The following DIP2A variants were observed in gnomAD, a reference collection of about 807,000 sequenced individuals.
The protein encoded by DIP2A is disco-interacting protein 2 homolog A.
In DIP2A, 85 loss-of-function variants were observed where a neutral mutation model predicts 177.4. The observed-to-expected ratio is 0.48, with a 90% CI of 0.40 to 0.57. DIP2A has a LOEUF of 0.57. DIP2A is among the 20% of genes least tolerant of loss of function. The probability of loss-of-function intolerance (pLI) is 0.00; values close to 1 mark genes in which losing one functional copy is unlikely to be tolerated. For missense variants in DIP2A, 1,791 were observed against 2,100.2 expected (o/e 0.85, Z 2.88); for synonymous variants, 886 against 881.8 (o/e 1.00, Z -0.08).
At chr21:46,459,769 C>T (rs2054136400) in intron 1 of DIP2A, among the ~76,000 whole-genome samples, 1 of 152,094 alleles carries the variant, frequency 6.6e-6, no homozygotes, top group Non-Finnish European at 1.5e-5. Context: ...TTACTCCTCA[C>T]CCCGGGACGC....
chr21:46,547,282 T>C, intron 21 of DIP2A: 2 of 1,227,592 alleles, frequency 1.6e-6, no homozygotes, highest in East Asian at 3.7e-5. Flanking sequence ...ATGTAAAATT[T>C]GGGGCAAAGG....
At chr21:46,545,519 G>C (rs1182679464) in intron 19 of DIP2A, among the ~76,000 whole-genome samples, 1 of 152,242 alleles carries the variant, frequency 6.6e-6, no homozygotes, top group Non-Finnish European at 1.5e-5. Flanking sequence ...CCACAGTCCT[G>C]CATGGGAGGA....
At position 46,569,039 on chromosome 21, in the gene DIP2A, C is replaced by T. The variant is rs1052052635; in HGVS notation, c.*1417C>T. The T allele has an allele frequency of 6.6e-6, 1 of 152,140 alleles. No individual in the cohort carries two copies. The allele number at this position is 152,140 out of a possible 1,614,324, so 9.4% of individuals were successfully genotyped here. A position where few individuals can be genotyped will look rare whatever the true frequency, so the allele number is the denominator to read the frequency against. ...AGAATGTAAAGTCCTTTAGTTACTT[C>T]TAAGAATTTGAAGTCAAGCACGAAT... On this transcript the variant is annotated 3_prime_UTR_variant, in exon 38 of 38. Coordinates refer to ENST00000417564, the MANE Select transcript of DIP2A (RefSeq NM_015151.4).
chr21:46,500,406 C>G (rs768870322), intron 5 of DIP2A, among the ~76,000 whole-genome samples: 23 of 152,218 alleles, frequency 1.5e-4, no homozygotes, highest in Non-Finnish European at 3.1e-4. Context: ...AGGTGGTGTA[C>G]AGTCCATATC....
Position 46,556,625 on chromosome 21 carries a change from G to C in DIP2A, c.3499-314G>C, listed in dbSNP as rs568647616. ...TTGAACCCGGGAGGCAGAGGTTGCA[G>C]TGAGCCGAGATTGTGCCATTGCACT... On this transcript the variant is annotated intron_variant, in intron 29 of 37. Transcript: ENST00000417564. This position sits in a 1 kb window ranked among gnomAD's most constrained non-coding sequence, Gnocchi z 4.5. 8.0e-6 allele frequency: 3 copies of C among 374,956 alleles called. No homozygotes were observed. The highest frequency in any genetic ancestry group is 6.6e-5 in the South Asian group (3 of 45,292). The allele number at this position is 374,956 out of a possible 1,614,324, so 23.2% of individuals were successfully genotyped here.
intron 1 of DIP2A, among the ~76,000 whole-genome samples, chr21:46,463,673 G>C (rs565644840): frequency 8.2e-6 from 1 of 122,696 alleles, no homozygotes; most frequent in East Asian, 2.5e-4. Context: ...TAAAATCTGG[G>C]ATATATTTGT....
chr21:46,491,289 T>C (rs2056999525), intron 3 of DIP2A, among the ~76,000 whole-genome samples: 1 of 152,236 alleles, frequency 6.6e-6, no homozygotes, highest in African/African-American at 2.4e-5. Context: ...ATTTAATATT[T>C]TCACCACTGT....
intron 18 of DIP2A, 78 bp downstream of exon 18, chr21:46,541,973 G>T (rs1308970852): frequency 6.4e-7 from 1 of 1,569,992 alleles, no homozygotes; most frequent in Non-Finnish European, 8.7e-7. Flanking sequence ...GTTTTGAGAC[G>T]GAGTCTTGCT....
At chr21:46,573,645 C>CAAAAAAAAAAAA (rs201994694), downstream of DIP2A, among the ~76,000 whole-genome samples, 31 of 52,974 alleles carry the variant, frequency 5.9e-4, no homozygotes, top group African/African-American at 7.9e-4. Flanking sequence ...CCCTCTCTCA[C>CAAAAAAAAAAAA]AAAAAAAAAA....
Position 46,557,040 on chromosome 21 carries a change from C to T in DIP2A, c.3600C>T (p.Gly1200=), listed in dbSNP as rs2060494038. The stretch of plus-strand genomic sequence containing the variant: ...CCATCTGCCTCGACCCCTACTGTGG[C>T]CTTGGTTTTGCCCTGTGGTGTCTGT... ...QIAICLDPYC[G]LGFALWCLCS... is the part of the protein sequence containing the mutation. Residue 1200 remains glycine, a synonymous_variant, in exon 30 of 38, where the codon GGC becomes GGT. Transcript: ENST00000417564. The surrounding 1 kb of genome is among the most constrained non-coding windows in gnomAD (Gnocchi z 6.0). The T allele has an allele frequency of 6.2e-7, 1 of 1,606,862 alleles. No individual in the cohort carries two copies. The highest frequency in any genetic ancestry group is 1.3e-5 in the African/African-American group (1 of 74,918).
chr21:46,480,145 C>T (rs983872358), intron 1 of DIP2A, among the ~76,000 whole-genome samples: 2 of 150,780 alleles, frequency 1.3e-5, no homozygotes, highest in African/African-American at 2.4e-5. Flanking sequence ...CTAACAAACA[C>T]GTAACCGAGA....
chr21:46,476,891 A>C (rs2055894122), intron 1 of DIP2A, among the ~76,000 whole-genome samples: 1 of 152,154 alleles, frequency 6.6e-6, no homozygotes, highest in African/African-American at 2.4e-5. Context: ...TCCTGACCTC[A>C]AATGATCTGC....
At position 46,557,319 on chromosome 21, in the gene DIP2A, G is replaced by T; in HGVS notation, c.3629+250G>T. 1.6e-6 allele frequency: 1 copy of T among 621,462 alleles called. No individual in the cohort carries two copies. The highest frequency in any genetic ancestry group is 2.8e-6 in the Non-Finnish European group (1 of 363,008). 38.5% of individuals were successfully genotyped at this position (621,462 alleles called of 1,614,324 possible). On this transcript the variant is annotated intron_variant, in intron 30 of 37. Coordinates refer to ENST00000417564, the MANE Select transcript of DIP2A (RefSeq NM_015151.4). The surrounding 1 kb of genome is among the most constrained non-coding windows in gnomAD (Gnocchi z 6.0). ...TTGATTCCTTCAAACACTAGAAAGTGGCGATCCGTCTCTAGAAGTGAATGC... is the reference window on the plus strand; with the variant it reads ...TTGATTCCTTCAAACACTAGAAAGTTGCGATCCGTCTCTAGAAGTGAATGC...
intron 26 of DIP2A, 24 bp downstream of exon 26, chr21:46,554,316 A>T: frequency 6.2e-7 from 1 of 1,611,970 alleles, no homozygotes; most frequent in Non-Finnish European, 8.5e-7. Flanking sequence ...GGGGCTGTCC[A>T]CCTGCAGCTC....
chr21:46,483,868 G>A (rs1601435724), intron 1 of DIP2A, among the ~76,000 whole-genome samples: 1 of 152,200 alleles, frequency 6.6e-6, no homozygotes, highest in African/African-American at 2.4e-5. Context: ...ATTGTAATAT[G>A]TATTTCTGGT....
intron 1 of DIP2A, among the ~76,000 whole-genome samples, chr21:46,474,340 T>C (rs1352311308): frequency 6.6e-6 from 1 of 152,054 alleles, no homozygotes; most frequent in Non-Finnish European, 1.5e-5. Flanking sequence ...AATTTGGAAG[T>C]CATCAGCACA....
In DIP2A at chr21:46,494,871, A is replaced by G. The variant is rs151329753; in HGVS notation, c.284-2117A>G. Among the ~76,000 whole-genome samples the G allele has an allele frequency of 4.5e-4, 69 of 152,256 alleles. 1 individual carries two copies. The East Asian group carries it at 0.013, about 28-fold the overall frequency. ...CCATTTCCTGGTTGGCTGTTAGGAT[A>G]AGAAGTTCTAGGTTCATCCTGGGCA... On this transcript the variant is annotated intron_variant, in intron 3 of 37. Coordinates refer to ENST00000417564, the MANE Select transcript of DIP2A (RefSeq NM_015151.4).
chr21:46,539,591 G>A (rs909573148), intron 16 of DIP2A: 4 of 435,612 alleles, frequency 9.2e-6, no homozygotes, highest in African/African-American at 4.0e-5. Flanking sequence ...TTGCAGTGCC[G>A]TGCAGCTTGT....
In DIP2A at chr21:46,541,808, G is replaced by A. The variant is rs138759141; in HGVS notation, c.2089G>A (p.Gly697Ser). ...AAGAAAAGCAGTCCTGTCGATGAAC[G>A]GTCTAAGTTATGGTGTTATCAGAGT... ...PPRKAVLSMN[G>S]LSYGVIRVDT... The change falls in exon 18 of 38, where the codon GGT becomes AGT. Residue 697 changes from glycine to serine, a missense_variant. Coordinates refer to ENST00000417564, the MANE Select transcript of DIP2A (RefSeq NM_015151.4). 29 of 1,613,932 alleles carry A rather than the reference G, an allele frequency of 1.8e-5. No individual in the cohort carries two copies. Among genetic ancestry groups the A allele is most frequent in the Middle Eastern group, 1.6e-4 (1 of 6,062 alleles).
Sources: allele counts gnomAD v4.1 joint callset (sites outside exome capture counted in the v4.1 genomes callset), GRCh38; gene constraint gnomAD v4.1.1; non-coding constraint Gnocchi (gnomAD v3.1); transcripts MANE v1.5; gene names NCBI Gene and HGNC (gene_info 2026-07-23, HGNC 2026-07-21).